Variants in RGL1 observed in about 807,000 individuals in gnomAD.
RGL1 encodes ral guanine nucleotide dissociation stimulator-like 1.
RGL1 carries 24 observed loss-of-function variants against 95.2 expected under a neutral mutation model. That is an observed-to-expected ratio of 0.25 (90% confidence interval 0.18 to 0.35). The LOEUF (loss-of-function observed/expected upper bound fraction) is 0.35, where lower values mean the gene tolerates loss of function less well. Among genes scored for constraint, RGL1 ranks in the 10% least tolerant of loss-of-function variants. The pLI is 1.00. For synonymous variants in RGL1, 329 were observed against 344.9 expected (o/e 0.95, Z 0.51); for missense variants, 715 against 936.3 (o/e 0.76, Z 3.08).
At chr1:183,676,641 A>G (rs1432300189) in intron 1 of RGL1, among the ~76,000 whole-genome samples, 1 of 149,580 alleles carries the variant, frequency 6.7e-6, no homozygotes, top group African/African-American at 2.4e-5. Context: ...CTGCATTTTA[A>G]TGCAGCCTGA....
intron 2 of RGL1, among the ~76,000 whole-genome samples, chr1:183,775,562 A>G (rs1038835249): frequency 6.6e-6 from 1 of 152,224 alleles, no homozygotes; most frequent in African/African-American, 2.4e-5. Flanking sequence ...AGAAAAGCCC[A>G]TGGATTTTGG....
At chr1:183,802,272 T>C (rs965177782), upstream of RGL1, among the ~76,000 whole-genome samples, 2 of 152,172 alleles carry the variant, frequency 1.3e-5, no homozygotes, top group Admixed American at 6.5e-5. Context: ...TTTCTGGGCT[T>C]TCTGTTCTGT....
At chr1:183,886,844 A>G (rs939289578) in intron 7 of RGL1, among the ~76,000 whole-genome samples, 8 of 152,094 alleles carry the variant, frequency 5.3e-5, no homozygotes, top group Non-Finnish European at 1.0e-4. Flanking sequence ...TAATATGACT[A>G]TATTTTCTTG....
chr1:183,824,857 A>C (rs1298364354), intron 2 of RGL1, among the ~76,000 whole-genome samples: 1 of 148,036 alleles, frequency 6.8e-6, no homozygotes, highest in East Asian at 2.0e-4. Flanking sequence ...ATGCTTTCCT[A>C]ATGTTTGGGA....
intron 2 of RGL1, among the ~76,000 whole-genome samples, chr1:183,800,093 C>G (rs1660909092): frequency 6.6e-6 from 1 of 152,184 alleles, no homozygotes; most frequent in Non-Finnish European, 1.5e-5. Context: ...GGAATTTAAA[C>G]TCATATGCCA....
chr1:183,801,495 G>C (rs1019423692), upstream of RGL1, among the ~76,000 whole-genome samples: 1 of 151,978 alleles, frequency 6.6e-6, no homozygotes, highest in Non-Finnish European at 1.5e-5. Flanking sequence ...AAGCTTTTTA[G>C]TTTGATGTAC....
chr1:183,675,302 T>A (rs1256858261), intron 1 of RGL1, among the ~76,000 whole-genome samples: 1 of 151,976 alleles, frequency 6.6e-6, no homozygotes, highest in Non-Finnish European at 1.5e-5. Flanking sequence ...GGTTTTTTTT[T>A]TTCTCTTTGT....
intron 1 of RGL1, among the ~76,000 whole-genome samples, chr1:183,740,941 A>G (rs1198115006): frequency 2.0e-5 from 3 of 152,250 alleles, no homozygotes; most frequent in African/African-American, 4.8e-5. Context: ...GCAAATAAAT[A>G]TAATAAAATG....
intron 15 of RGL1, among the ~76,000 whole-genome samples, chr1:183,916,103 T>TA (rs1668947818): frequency 6.6e-6 from 1 of 152,366 alleles, no homozygotes; most frequent in Non-Finnish European, 1.5e-5. Flanking sequence ...TCCAGCCCCG[T>TA]AAGCTTCTGA....
At chr1:183,728,479 C>A (rs545279877) in intron 1 of RGL1, among the ~76,000 whole-genome samples, 4 of 152,190 alleles carry the variant, frequency 2.6e-5, no homozygotes, top group African/African-American at 4.8e-5. Flanking sequence ...AAACCCCTAC[C>A]CTGAAAACTG....
In RGL1 at chr1:183,663,428, A is replaced by C. The variant is rs887450459; in HGVS notation, c.-33+26927A>C. ...GATATGAGCATACACTTCTTAAAAG[A>C]AGACATTTATGCAGCCAAAAAACAC... On this transcript the variant is annotated intron_variant, in intron 1 of 18. Transcript: ENST00000304685. Among the ~76,000 whole-genome samples, 7 of 146,738 alleles carry C rather than the reference A, an allele frequency of 4.8e-5. No individual in the cohort carries two copies. The South Asian group carries it at 1.4e-3, about 30-fold the overall frequency.
intron 1 of RGL1, among the ~76,000 whole-genome samples, chr1:183,638,893 A>G (rs1649723948): frequency 6.6e-6 from 1 of 152,212 alleles, no homozygotes; most frequent in South Asian, 2.1e-4. Flanking sequence ...TAGTAAGGCT[A>G]TAATAGGTCT....
chr1:183,918,649 T>C (rs942657258), intron 16 of RGL1, among the ~76,000 whole-genome samples: 4 of 151,966 alleles, frequency 2.6e-5, no homozygotes, highest in Non-Finnish European at 5.9e-5. Context: ...GTTGGGAGGG[T>C]AGTGAGCAGA....
At chr1:183,755,933 G>A (rs1658305877) in intron 2 of RGL1, among the ~76,000 whole-genome samples, 1 of 151,420 alleles carries the variant, frequency 6.6e-6, no homozygotes, top group African/African-American at 2.4e-5. Context: ...GCCCAGGCTG[G>A]AGTGCAATGG....
At chr1:183,799,641 T>C (rs1386303661) in intron 2 of RGL1, among the ~76,000 whole-genome samples, 1 of 152,224 alleles carries the variant, frequency 6.6e-6, no homozygotes, top group African/African-American at 2.4e-5. Flanking sequence ...GTCTCATTTT[T>C]AAAATCAGGT....
intron 1 of RGL1, among the ~76,000 whole-genome samples, chr1:183,678,550 G>T (rs1166102574): frequency 3.3e-5 from 5 of 151,704 alleles, no homozygotes; most frequent in African/African-American, 1.2e-4. Flanking sequence ...TCTCTCACTT[G>T]TGTTTTGTTG....
In RGL1 at chr1:183,844,283, A is replaced by G. The variant is rs543165918; in HGVS notation, c.139-3283A>G. On this transcript the variant is annotated intron_variant, in intron 2 of 17. Transcript: ENST00000360851. ...AATACACATTTGAAAATAAAAATTA[A>G]CATTATATTTTATAATGTTTTGATT... 2.6e-5 allele frequency among the ~76,000 whole-genome samples: 4 copies of G among 152,372 alleles called. No homozygotes were observed. In the East Asian group the frequency reaches 7.7e-4, roughly 29 times the overall value.
At chr1:183,684,569 G>A (rs1239934721) in intron 1 of RGL1, among the ~76,000 whole-genome samples, 1 of 152,084 alleles carries the variant, frequency 6.6e-6, no homozygotes, top group Non-Finnish European at 1.5e-5. Context: ...TGCCTCCCTG[G>A]CTTCAGCCCC....
chr1:183,727,486 T>A (rs559453109), intron 1 of RGL1, among the ~76,000 whole-genome samples: 137 of 152,276 alleles, frequency 9.0e-4, no homozygotes, highest in African/African-American at 3.1e-3. Context: ...CTGTTTTTTT[T>A]AAAAAACCTG....
Sources: gnomAD v4.1 joint callset for allele counts (sites outside exome capture counted in the v4.1 genomes callset) on GRCh38, gnomAD v4.1.1 for gene constraint, MANE v1.5 for transcripts, NCBI Gene and HGNC (gene_info 2026-07-23, HGNC 2026-07-21) for gene names.